Variants in TIAM1 observed in about 807,000 individuals in gnomAD.
The protein encoded by TIAM1 is TIAM Rac1 associated GEF 1.
Under a neutral mutation model 163.5 loss-of-function variants are expected in TIAM1, and 65 were observed. The ratio of observed to expected loss-of-function variants is 0.40; its 90% CI spans 0.33 to 0.49. The LOEUF is 0.49. TIAM1 is among the 20% of genes least tolerant of loss of function. TIAM1 has a pLI of 0.77. For missense variants in TIAM1, 1,789 were observed against 2,044.7 expected (o/e 0.87, Z 2.41); for synonymous variants, 833 against 810.1 (o/e 1.03, Z -0.48).
chr21:31,399,274 G>A (rs1055318767), intron 2 of TIAM1, among the ~76,000 whole-genome samples: 2 of 151,698 alleles, frequency 1.3e-5, no homozygotes, highest in East Asian at 1.9e-4. Flanking sequence ...TATTGGCTTG[G>A]ATAAGTTCTC....
At chr21:31,493,900 G>C (rs2046556113) in intron 1 of TIAM1, among the ~76,000 whole-genome samples, 1 of 149,624 alleles carries the variant, frequency 6.7e-6, no homozygotes, top group Non-Finnish European at 1.5e-5. Context: ...TTTCTTATGG[G>C]CAGGAATTAG....
chr21:31,208,176 A>G (rs559051364), intron 11 of TIAM1, among the ~76,000 whole-genome samples: 201 of 152,348 alleles, frequency 1.3e-3, no homozygotes, highest in African/African-American at 4.7e-3. Flanking sequence ...AGCTTGAAAC[A>G]TACGTAAAGT....
intron 1 of TIAM1, among the ~76,000 whole-genome samples, chr21:31,530,882 T>G (rs919974386): frequency 2.6e-5 from 4 of 151,786 alleles, no homozygotes; most frequent in African/African-American, 9.7e-5. Context: ...GTAATAAATT[T>G]AGAGGTTAAA....
intron 2 of TIAM1, among the ~76,000 whole-genome samples, chr21:31,322,914 C>A (rs530369198): frequency 1.3e-5 from 2 of 152,224 alleles, no homozygotes; most frequent in Non-Finnish European, 2.9e-5. Context: ...TGAGACAAAG[C>A]GCCCCTCAGG....
intron 1 of TIAM1, among the ~76,000 whole-genome samples, chr21:31,493,035 A>G (rs1450807910): frequency 6.6e-6 from 1 of 152,096 alleles, no homozygotes; most frequent in Non-Finnish European, 1.5e-5. Flanking sequence ...GTATGTTCTC[A>G]GATATCTCCA....
At position 31,294,429 on chromosome 21, in the gene TIAM1, A is replaced by G. The variant is rs187516756; in HGVS notation, c.-188-17521T>C. On this transcript the variant is annotated intron_variant, in intron 2 of 27. Transcript: ENST00000541036. ...TAACTCTGCTTCTCCACCACAGAGCAGGGAGTTTGAATTTTCAAGGGTCAA... is the reference window on the plus strand; with the variant it reads ...TAACTCTGCTTCTCCACCACAGAGCGGGGAGTTTGAATTTTCAAGGGTCAA... Among the ~76,000 whole-genome samples the G allele has an allele frequency of 5.8e-3, 886 of 152,322 alleles. 6 individuals are homozygous for G. The highest frequency in any genetic ancestry group is 0.02 in the African/African-American group (848 of 41,566).
intron 6 of TIAM1, among the ~76,000 whole-genome samples, chr21:31,234,375 GAA>G (rs1464678405): frequency 0.095 from 11,367 of 119,216 alleles, 1,809 homozygotes; most frequent in African/African-American, 0.34. Flanking sequence ...AGGAAGGAAG[GAA>G]GGAAGGGAGG....
At chr21:31,223,657 T>C in intron 7 of TIAM1, 66 bp from the exon 8 acceptor site, 2 of 1,495,322 alleles carry the variant, frequency 1.3e-6, no homozygotes, top group African/African-American at 1.4e-5. Flanking sequence ...AATATCTTTA[T>C]CCTATACAGA....
At chr21:31,213,314 T>C in intron 10 of TIAM1, 84 bp downstream of exon 10, 1 of 1,179,066 alleles carries the variant, frequency 8.5e-7, no homozygotes, top group Non-Finnish European at 1.2e-6. Context: ...TACTTAATTT[T>C]AGTAGCTCAA....
At chr21:31,269,814 G>C (rs1170991791) in intron 3 of TIAM1, among the ~76,000 whole-genome samples, 1 of 151,964 alleles carries the variant, frequency 6.6e-6, no homozygotes, top group East Asian at 1.9e-4. Context: ...TGGGACTACA[G>C]GCGCCCGCCA....
chr21:31,184,508 C>T (rs2085189627), intron 14 of TIAM1, among the ~76,000 whole-genome samples: 1 of 152,162 alleles, frequency 6.6e-6, no homozygotes. Flanking sequence ...GGACATCACT[C>T]TTGCATCTGT....
At chr21:31,357,750 T>A (rs1000615784) in intron 2 of TIAM1, among the ~76,000 whole-genome samples, 1 of 152,244 alleles carries the variant, frequency 6.6e-6, no homozygotes, top group East Asian at 1.9e-4. Flanking sequence ...TCAAGGGCAC[T>A]AATGATCTCC....
At chr21:31,142,647 GA>G (rs2082907254) in intron 20 of TIAM1, among the ~76,000 whole-genome samples, 1 of 130,164 alleles carries the variant, frequency 7.7e-6, no homozygotes, top group Admixed American at 7.6e-5. Flanking sequence ...AAAAAAAAAA[GA>G]AAGAAAAAAA....
chr21:31,430,336 C>T (rs1049183682), intron 2 of TIAM1, among the ~76,000 whole-genome samples: 7 of 149,930 alleles, frequency 4.7e-5, no homozygotes, highest in East Asian at 2.0e-4. Flanking sequence ...TGCGCCTCAC[C>T]GAACCCAAAC....
At chr21:31,467,489 G>A (rs1420391166) in intron 1 of TIAM1, among the ~76,000 whole-genome samples, 1 of 151,978 alleles carries the variant, frequency 6.6e-6, no homozygotes, top group East Asian at 1.9e-4. Flanking sequence ...AGCTGGGCGT[G>A]GCGACACATG....
At chr21:31,163,954 C>T (rs2084065584) in intron 16 of TIAM1, among the ~76,000 whole-genome samples, 1 of 152,218 alleles carries the variant, frequency 6.6e-6, no homozygotes, top group Admixed American at 6.5e-5. Context: ...CAAAATCACA[C>T]GCAATTGCTT....
chr21:31,377,033 C>G (rs955599932), intron 2 of TIAM1, among the ~76,000 whole-genome samples: 1 of 80,920 alleles, frequency 1.2e-5, no homozygotes, highest in African/African-American at 4.9e-5. Flanking sequence ...TCATTTTTGT[C>G]TTTTTTTTTT....
intron 1 of TIAM1, among the ~76,000 whole-genome samples, chr21:31,555,146 A>G (rs1601090341): frequency 6.6e-6 from 1 of 151,988 alleles, no homozygotes; most frequent in African/African-American, 2.4e-5. Context: ...TTTTTTTAAT[A>G]AATGATTTGG....
At chr21:31,162,074 A>T (rs780160195) in intron 16 of TIAM1, among the ~76,000 whole-genome samples, 14 of 152,204 alleles carry the variant, frequency 9.2e-5, no homozygotes, top group Non-Finnish European at 1.6e-4. Flanking sequence ...AGATGTTAAC[A>T]ATCTGGACAC....
Sources: gnomAD v4.1 joint callset for allele counts (sites outside exome capture counted in the v4.1 genomes callset) on GRCh38, gnomAD v4.1.1 for gene constraint, MANE v1.5 for transcripts, NCBI Gene and HGNC (gene_info 2026-07-23, HGNC 2026-07-21) for gene names.